Variants in FBXW11 observed in about 807,000 individuals in gnomAD.
FBXW11 encodes the protein F-box/WD repeat-containing protein 11.
In FBXW11, 19 loss-of-function variants were observed where a neutral mutation model predicts 77.6. The ratio of observed to expected loss-of-function variants is 0.24; its 90% CI spans 0.17 to 0.36. The LOEUF is 0.36. Ranked by LOEUF, FBXW11 falls within the 10% of genes least tolerant of loss-of-function variation. FBXW11 has a pLI of 1.00. For synonymous variants in FBXW11, 235 were observed against 249.4 expected (o/e 0.94, Z 0.54); for missense variants, 334 against 704.2 (o/e 0.47, Z 5.95).
intron 4 of FBXW11, among the ~76,000 whole-genome samples, chr5:171,903,357 G>T (rs974953958): frequency 3.3e-5 from 5 of 152,052 alleles, no homozygotes; most frequent in Admixed American, 6.6e-5. Context: ...CCTTGGTCTT[G>T]AAAGTGCTGG....
chr5:171,922,271 A>T (rs1258371847), intron 2 of FBXW11, among the ~76,000 whole-genome samples: 1 of 152,228 alleles, frequency 6.6e-6, no homozygotes, highest in Non-Finnish European at 1.5e-5. Context: ...TAGGCCAAGT[A>T]GAAAAATCTA....
At chr5:171,930,618 CCAGAGA>C (rs1387574543) in intron 2 of FBXW11, among the ~76,000 whole-genome samples, 1 of 151,846 alleles carries the variant, frequency 6.6e-6, no homozygotes, top group Non-Finnish European at 1.5e-5. Flanking sequence ...CCTAGGAAAA[CCAGAGA>C]CCTTTGTTCA....
intron 1 of FBXW11, among the ~76,000 whole-genome samples, chr5:171,961,929 G>A (rs1763934545): frequency 6.6e-6 from 1 of 152,226 alleles, no homozygotes; most frequent in Admixed American, 6.5e-5. Flanking sequence ...TTAAAGGCAT[G>A]AGCCATGGCT....
chr5:171,955,468 A>G (rs112309303), intron 2 of FBXW11, among the ~76,000 whole-genome samples: 50 of 152,336 alleles, frequency 3.3e-4, no homozygotes, highest in African/African-American at 1.0e-3. Context: ...TATAAGCAAC[A>G]GGCCTTCTTT....
At chr5:171,882,546 C>G (rs1328130863) in intron 7 of FBXW11, among the ~76,000 whole-genome samples, 3 of 152,146 alleles carry the variant, frequency 2.0e-5, no homozygotes, top group Non-Finnish European at 4.4e-5. Flanking sequence ...CTCAAGCAAT[C>G]CTCCCACCTC....
chr5:171,902,306 G>A (rs1037979900), intron 4 of FBXW11, among the ~76,000 whole-genome samples: 18 of 152,296 alleles, frequency 1.2e-4, no homozygotes, highest in Admixed American at 1.1e-3. Context: ...AAGTTGTATT[G>A]CAATTTTTCA....
intron 1 of FBXW11, among the ~76,000 whole-genome samples, chr5:171,993,793 AAGGACCAGATCT>A: frequency 6.6e-6 from 1 of 152,280 alleles, no homozygotes; most frequent in South Asian, 2.1e-4. Context: ...GTGTTAAACC[AAGGACCAGATCT>A]AGGATGATGG....
chr5:171,873,339 G>A (rs566644782), intron 9 of FBXW11, among the ~76,000 whole-genome samples: 2 of 152,268 alleles, frequency 1.3e-5, no homozygotes, highest in African/African-American at 4.8e-5. Flanking sequence ...CAAACCCCAT[G>A]GAGCTAATGT....
chr5:171,917,801 AATAT>A lies in FBXW11; in HGVS notation c.148-3400_148-3397del, dbSNP rs576977495. ...GTGTGTGTGTGTGTGTGTGTGTGTA[AATAT>A]ATATATTCAATTCAGAGATATATTT... is the stretch of plus-strand genomic sequence containing the variant. On this transcript the variant is annotated intron_variant, in intron 2 of 13. Transcript: ENST00000517395. Among the ~76,000 whole-genome samples the A allele has an allele frequency of 7.8e-4, 75 of 95,638 alleles. 3 individuals carry two copies. The South Asian group carries it at 0.021, about 26-fold the overall frequency. The allele number at this position is 95,638 out of a possible 152,430, so 62.7% of individuals were successfully genotyped here.
chr5:171,940,246 T>C (rs1266826502), intron 2 of FBXW11, among the ~76,000 whole-genome samples: 3 of 152,196 alleles, frequency 2.0e-5, no homozygotes, highest in Admixed American at 6.5e-5. Flanking sequence ...AAGGGTTTCC[T>C]TCTGGAAGGC....
chr5:171,879,092 GA>G (rs1758333970), intron 7 of FBXW11, among the ~76,000 whole-genome samples: 1 of 152,156 alleles, frequency 6.6e-6, no homozygotes, highest in Admixed American at 6.5e-5. Context: ...AGGATTAAAG[GA>G]GGTAAAATGT....
At chr5:171,875,492 C>T (rs1758018966) in intron 9 of FBXW11, among the ~76,000 whole-genome samples, 1 of 152,032 alleles carries the variant, frequency 6.6e-6, no homozygotes, top group South Asian at 2.1e-4. Flanking sequence ...GGTTTTAGAG[C>T]GCGATGAAAA....
At chr5:171,896,856 C>T (rs555726222) in intron 6 of FBXW11, among the ~76,000 whole-genome samples, 4 of 152,236 alleles carry the variant, frequency 2.6e-5, no homozygotes, top group South Asian at 4.1e-4. Flanking sequence ...ACCAGTCATA[C>T]GGACAGAGCC....
chr5:171,898,695 G>A (rs1236390755), intron 6 of FBXW11, among the ~76,000 whole-genome samples: 1 of 152,020 alleles, frequency 6.6e-6, no homozygotes, highest in Non-Finnish European at 1.5e-5. Flanking sequence ...AAAAAACGGG[G>A]CCTTGGATTT....
At chr5:171,886,331 CA>C (rs895353800) in intron 7 of FBXW11, among the ~76,000 whole-genome samples, 2 of 149,420 alleles carry the variant, frequency 1.3e-5, no homozygotes, top group Non-Finnish European at 3.0e-5. Flanking sequence ...GACAAAAAAC[CA>C]AACACCGCAT....
chr5:171,980,248 G>A (rs1393369530), intron 1 of FBXW11, among the ~76,000 whole-genome samples: 3 of 152,132 alleles, frequency 2.0e-5, no homozygotes, highest in Non-Finnish European at 4.4e-5. Context: ...TAGATGGGGA[G>A]GAAAGTCTTT....
At chr5:171,872,787 G>C in intron 10 of FBXW11, 85 bp downstream of exon 10, 1 of 941,264 alleles carries the variant, frequency 1.1e-6, no homozygotes, top group Non-Finnish European at 1.7e-6. Flanking sequence ...TTTACCCTGA[G>C]TTGTTTTGAG....
intron 1 of FBXW11, among the ~76,000 whole-genome samples, chr5:171,993,980 G>A (rs1174179323): frequency 6.6e-6 from 1 of 152,154 alleles, no homozygotes; most frequent in African/African-American, 2.4e-5. Context: ...GTACTAAAAG[G>A]TAACCTCAAA....
chr5:171,950,869 A>G (rs897163355), intron 2 of FBXW11, among the ~76,000 whole-genome samples: 1 of 152,216 alleles, frequency 6.6e-6, no homozygotes. Context: ...CCTGGGTAAC[A>G]GAGTTAGACT....
Sources: gnomAD v4.1 joint callset for allele counts (sites outside exome capture counted in the v4.1 genomes callset) on GRCh38, gnomAD v4.1.1 for gene constraint, MANE v1.5 for transcripts, NCBI Gene and HGNC (gene_info 2026-07-23, HGNC 2026-07-21) for gene names.